Variants in SEMA5A observed in about 807,000 individuals in gnomAD.
The protein encoded by SEMA5A is semaphorin-5A.
SEMA5A carries 55 observed loss-of-function variants against 135.5 expected under a neutral mutation model. The observed-to-expected ratio is 0.41, with a 90% CI of 0.33 to 0.51. SEMA5A has a LOEUF of 0.51. Among genes scored for constraint, SEMA5A ranks in the 20% least tolerant of loss-of-function variants. SEMA5A has a pLI of 0.37. For missense variants in SEMA5A, 1,290 were observed against 1,419.9 expected (o/e 0.91, Z 1.47); for synonymous variants, 580 against 546.5 (o/e 1.06, Z -0.85).
At chr5:9,227,011 G>T in intron 6 of SEMA5A, 44 bp from the exon 7 acceptor site, 2 of 901,540 alleles carry the variant, frequency 2.2e-6, no homozygotes, top group Non-Finnish European at 2.9e-6. Flanking sequence ...ATATATATAT[G>T]TATAATGATA....
intron 1 of SEMA5A, among the ~76,000 whole-genome samples, chr5:9,504,556 C>A (rs1429940229): frequency 2.6e-5 from 4 of 152,132 alleles, no homozygotes; most frequent in Non-Finnish European, 5.9e-5. Context: ...AGCACAAGTG[C>A]TGTGAAGGGC....
intron 5 of SEMA5A, among the ~76,000 whole-genome samples, chr5:9,254,040 T>C (rs1748935145): frequency 6.6e-6 from 1 of 152,160 alleles, no homozygotes; most frequent in Non-Finnish European, 1.5e-5. Context: ...AGAAACATTA[T>C]CAACTATATA....
chr5:9,485,827 C>A (rs1254637187), intron 1 of SEMA5A, among the ~76,000 whole-genome samples: 1 of 152,114 alleles, frequency 6.6e-6, no homozygotes, highest in Non-Finnish European at 1.5e-5. Context: ...CATTGAAGAG[C>A]AGACACATGC....
At chr5:9,160,244 C>G (rs1459213564) in intron 11 of SEMA5A, among the ~76,000 whole-genome samples, 2 of 152,088 alleles carry the variant, frequency 1.3e-5, no homozygotes, top group Admixed American at 1.3e-4. Context: ...TGTCTGTCAT[C>G]CATCTCAAGG....
chr5:9,182,878 T>C (rs1299541408), intron 11 of SEMA5A, among the ~76,000 whole-genome samples: 2 of 152,152 alleles, frequency 1.3e-5, no homozygotes, highest in Non-Finnish European at 2.9e-5. Context: ...ACATGCATCA[T>C]ATCATGTAAC....
At chr5:9,050,561 C>G (rs549895645) in intron 20 of SEMA5A, 104 bp from the exon 21 acceptor site, 1 of 949,958 alleles carries the variant, frequency 1.1e-6, no homozygotes, top group Admixed American at 3.3e-5. Flanking sequence ...TGTTATGTGA[C>G]ACAAAGTTTC....
chr5:9,109,069 C>G (rs1462701564), intron 15 of SEMA5A, among the ~76,000 whole-genome samples: 1 of 91,016 alleles, frequency 1.1e-5, no homozygotes, highest in Non-Finnish European at 2.0e-5. Context: ...GAGACGGAGT[C>G]TCGCTCTGTC....
intron 5 of SEMA5A, among the ~76,000 whole-genome samples, chr5:9,304,389 G>A (rs1156359168): frequency 6.6e-6 from 1 of 151,882 alleles, no homozygotes; most frequent in Admixed American, 6.6e-5. Flanking sequence ...TATTTTTTGT[G>A]AATTCTTTAT....
At chr5:9,193,852 G>C (rs139867313) in intron 10 of SEMA5A, among the ~76,000 whole-genome samples, 14 of 152,122 alleles carry the variant, frequency 9.2e-5, no homozygotes, top group Non-Finnish European at 1.0e-4. Flanking sequence ...AGCTGAGATC[G>C]TACCACTGTA....
Position 9,507,437 on chromosome 5 carries a change from TAA to T in SEMA5A, c.-175+38145_-175+38146del, listed in dbSNP as rs201420086. Among the ~76,000 whole-genome samples the T allele has an allele frequency of 1.6e-3, 249 of 152,336 alleles. 3 individuals are homozygous for T. Among genetic ancestry groups the T allele is most frequent in the East Asian group, 0.015 (76 of 5,186 alleles). On this transcript the variant is annotated intron_variant, in intron 1 of 22. Coordinates refer to ENST00000382496, the MANE Select transcript of SEMA5A (RefSeq NM_003966.3). ...ATGCCTTAATCACCTTCTTCAGGAA[TAA>T]ATTGACTCTCTTGTCATATATGCTT... is the stretch of plus-strand genomic sequence containing the variant.
At chr5:9,355,205 G>A (rs193211707) in intron 3 of SEMA5A, among the ~76,000 whole-genome samples, 1 of 151,686 alleles carries the variant, frequency 6.6e-6, no homozygotes, top group East Asian at 1.9e-4. Flanking sequence ...CAAGTGGGAG[G>A]CTGATTCAGC....
intron 21 of SEMA5A, among the ~76,000 whole-genome samples, chr5:9,048,642 G>A (rs564672788): frequency 6.6e-5 from 10 of 152,238 alleles, no homozygotes; most frequent in African/African-American, 2.4e-4. Flanking sequence ...ACATCTAAAA[G>A]CTGCTGAGTT....
chr5:9,353,100 A>AAGGGAAGGGAAGGGAAGGGAAG (rs199741424), intron 3 of SEMA5A, among the ~76,000 whole-genome samples: 1 of 14,026 alleles, frequency 7.1e-5, no homozygotes, highest in African/African-American at 2.7e-4. Context: ...AAAGGAAGGA[A>AAGGGAAGGGAAGGGAAGGGAAG]GGAAAGGAAA....
chr5:9,424,805 T>C (rs1412374331), intron 2 of SEMA5A, among the ~76,000 whole-genome samples: 1 of 152,084 alleles, frequency 6.6e-6, no homozygotes, highest in African/African-American at 2.4e-5. Context: ...TCTAAATATG[T>C]CAAGCCCATC....
intron 1 of SEMA5A, among the ~76,000 whole-genome samples, chr5:9,493,073 G>A (rs1364831853): frequency 6.6e-6 from 1 of 152,104 alleles, no homozygotes; most frequent in Non-Finnish European, 1.5e-5. Flanking sequence ...GACCACTCTA[G>A]TGGGGAATGT....
intron 2 of SEMA5A, among the ~76,000 whole-genome samples, chr5:9,413,761 T>C (rs1218800193): frequency 6.6e-6 from 1 of 152,166 alleles, no homozygotes; most frequent in Non-Finnish European, 1.5e-5. Flanking sequence ...GTTTTTGTTA[T>C]ACATAGACAA....
intron 5 of SEMA5A, among the ~76,000 whole-genome samples, chr5:9,289,775 C>T (rs1462795922): frequency 1.3e-5 from 2 of 152,122 alleles, no homozygotes; most frequent in Non-Finnish European, 2.9e-5. Flanking sequence ...TTGAAATTTG[C>T]CAAGCACATT....
At chr5:9,165,374 G>A (rs1743545576) in intron 11 of SEMA5A, among the ~76,000 whole-genome samples, 1 of 152,202 alleles carries the variant, frequency 6.6e-6, no homozygotes, top group Non-Finnish European at 1.5e-5. Flanking sequence ...ATTGGATGGT[G>A]AAATCTATTA....
intron 5 of SEMA5A, among the ~76,000 whole-genome samples, chr5:9,258,962 A>G (rs553702707): frequency 9.9e-5 from 15 of 151,692 alleles, no homozygotes; most frequent in African/African-American, 3.6e-4. Context: ...ACCTGCAACC[A>G]CAGGGGCCTG....
Sources: gnomAD v4.1 joint callset for allele counts (sites outside exome capture counted in the v4.1 genomes callset) on GRCh38, gnomAD v4.1.1 for gene constraint, MANE v1.5 for transcripts, NCBI Gene and HGNC (gene_info 2026-07-23, HGNC 2026-07-21) for gene names.